The following DRC11 variants were observed in gnomAD, a reference collection of about 807,000 sequenced individuals.
DRC11 encodes IQ and AAA domain-containing protein 1.
At chr2:236,438,735 A>G in the DRC11 span, among the ~76,000 whole-genome samples, 1 of 152,076 alleles carries the variant, frequency 6.6e-6, no homozygotes, top group Non-Finnish European at 1.5e-5. Context: ...ACATCTACAG[A>G]ACTCTCCACC....
At chr2:236,453,937 C>T in the DRC11 span, among the ~76,000 whole-genome samples, 38 of 152,128 alleles carry the variant, frequency 2.5e-4, no homozygotes, top group African/African-American at 7.7e-4. The surrounding 1 kb of genome is among the most constrained non-coding windows in gnomAD (Gnocchi z 4.9). Flanking sequence ...CCACCGTGCC[C>T]GGCCCAGTGT....
At chr2:236,351,873 G>T in the DRC11 span, among the ~76,000 whole-genome samples, 2 of 151,870 alleles carry the variant, frequency 1.3e-5, no homozygotes, top group Non-Finnish European at 2.9e-5. The surrounding 1 kb of genome is among the most constrained non-coding windows in gnomAD (Gnocchi z 7.3). Flanking sequence ...GGTAATGAGG[G>T]GGTCAGTGCC....
chr2:236,419,694 C>T, the DRC11 span, among the ~76,000 whole-genome samples: 3 of 152,222 alleles, frequency 2.0e-5, no homozygotes, highest in Admixed American at 6.5e-5. This position sits in a 1 kb window ranked among gnomAD's most constrained non-coding sequence, Gnocchi z 4.8. Flanking sequence ...GCAACAGCCA[C>T]TCTTGCAATA....
At chr2:236,441,176 A>G in the DRC11 span, 1 of 1,168,350 alleles carries the variant, frequency 8.6e-7, no homozygotes, top group South Asian at 1.3e-5. Flanking sequence ...CTCTCTTGTT[A>G]TATACCCCAT....
At chr2:236,314,919 T>C in the DRC11 span, among the ~76,000 whole-genome samples, 2 of 152,146 alleles carry the variant, frequency 1.3e-5, no homozygotes, top group Admixed American at 6.5e-5. The surrounding 1 kb of genome is among the most constrained non-coding windows in gnomAD (Gnocchi z 4.5). Context: ...AAAATATTAG[T>C]TTTTTGGTGG....
chr2:236,396,303 G>GGGT, the DRC11 span, among the ~76,000 whole-genome samples: 1 of 36,516 alleles, frequency 2.7e-5, no homozygotes, highest in Non-Finnish European at 6.4e-5. Flanking sequence ...AAAGAGGGGC[G>GGGT]GGGGGGGGTT....
the DRC11 span, among the ~76,000 whole-genome samples, chr2:236,486,456 A>C: frequency 6.6e-6 from 1 of 151,870 alleles, no homozygotes; most frequent in African/African-American, 2.4e-5. The surrounding 1 kb of genome is among the most constrained non-coding windows in gnomAD (Gnocchi z 5.7). Flanking sequence ...TTCCATCTCT[A>C]TGATTCAGTA....
the DRC11 span, among the ~76,000 whole-genome samples, chr2:236,454,211 G>A: frequency 6.6e-6 from 1 of 152,150 alleles, no homozygotes; most frequent in Non-Finnish European, 1.5e-5. This position sits in a 1 kb window ranked among gnomAD's most constrained non-coding sequence, Gnocchi z 5.3. Flanking sequence ...AAAGAGCCCC[G>A]AATCTGTCTT....
the DRC11 span, among the ~76,000 whole-genome samples, chr2:236,490,553 A>C: frequency 6.6e-6 from 1 of 152,192 alleles, no homozygotes; most frequent in Non-Finnish European, 1.5e-5. This position sits in a 1 kb window ranked among gnomAD's most constrained non-coding sequence, Gnocchi z 5.5. Flanking sequence ...TGAGATGATG[A>C]ACTTAGCATA....
chr2:236,412,434 C>T, the DRC11 span, among the ~76,000 whole-genome samples: 2 of 152,176 alleles, frequency 1.3e-5, no homozygotes, highest in Non-Finnish European at 2.9e-5. Context: ...TCATCCGTGC[C>T]CCACCTTCAA....
At chr2:236,352,715 G>A in the DRC11 span, among the ~76,000 whole-genome samples, 1 of 151,930 alleles carries the variant, frequency 6.6e-6, no homozygotes, top group East Asian at 1.9e-4. This position sits in a 1 kb window ranked among gnomAD's most constrained non-coding sequence, Gnocchi z 7.0. Flanking sequence ...ACTGCTTTAC[G>A]GGCTGCCTTG....
At chr2:236,344,584 G>A in the DRC11 span, 2 of 1,613,656 alleles carry the variant, frequency 1.2e-6, no homozygotes, top group South Asian at 1.1e-5. Flanking sequence ...GAACTTTTTT[G>A]TAGAAGGTTT....
At chr2:236,319,445 A>G in the DRC11 span, among the ~76,000 whole-genome samples, 1 of 152,306 alleles carries the variant, frequency 6.6e-6, no homozygotes, top group East Asian at 1.9e-4. This position sits in a 1 kb window ranked among gnomAD's most constrained non-coding sequence, Gnocchi z 6.7. Flanking sequence ...AAACCACTAG[A>G]GTTGACTGAA....
At chr2:236,427,681 A>G in the DRC11 span, among the ~76,000 whole-genome samples, 1 of 151,928 alleles carries the variant, frequency 6.6e-6, no homozygotes, top group African/African-American at 2.4e-5. This position sits in a 1 kb window ranked among gnomAD's most constrained non-coding sequence, Gnocchi z 5.9. Context: ...ATCTTTCACA[A>G]AACCAACTCT....
At chr2:236,472,253 A>C in the DRC11 span, among the ~76,000 whole-genome samples, 24,320 of 152,108 alleles carry the variant, frequency 0.16, 2,306 homozygotes, top group Non-Finnish European at 0.22. The surrounding 1 kb of genome is among the most constrained non-coding windows in gnomAD (Gnocchi z 4.6). Context: ...TTGTGTTTGC[A>C]AACTTTTTGC....
chr2:236,380,864 G>A, the DRC11 span, among the ~76,000 whole-genome samples: 1 of 152,192 alleles, frequency 6.6e-6, no homozygotes, highest in Non-Finnish European at 1.5e-5. The surrounding 1 kb of genome is among the most constrained non-coding windows in gnomAD (Gnocchi z 4.9). Context: ...GGTCCCCACT[G>A]TGGAACTTGC....
At chr2:236,386,985 C>A in the DRC11 span, among the ~76,000 whole-genome samples, 1 of 149,622 alleles carries the variant, frequency 6.7e-6, no homozygotes, top group South Asian at 2.1e-4. Flanking sequence ...GAGTGAGATT[C>A]TTAATCCTGA....
the DRC11 span, among the ~76,000 whole-genome samples, chr2:236,433,365 T>C: frequency 1.3e-5 from 2 of 152,230 alleles, no homozygotes; most frequent in South Asian, 2.1e-4. Flanking sequence ...AAGGTATGTA[T>C]GGTGTGAGCA....
At chr2:236,332,286 A>AAATGAATT in the DRC11 span, 1 of 152,268 alleles carries the variant, frequency 6.6e-6, no homozygotes, top group South Asian at 2.1e-4. The surrounding 1 kb of genome is among the most constrained non-coding windows in gnomAD (Gnocchi z 5.1). Flanking sequence ...GATGCTGTGA[A>AAATGAATT]AATGAATTAT....
Sources: allele counts gnomAD v4.1 joint callset (sites outside exome capture counted in the v4.1 genomes callset), GRCh38; gene constraint gnomAD v4.1.1; non-coding constraint Gnocchi (gnomAD v3.1); transcripts MANE v1.5; gene names NCBI Gene and HGNC (gene_info 2026-07-23, HGNC 2026-07-21).